The following ANO4 variants were observed in gnomAD, a reference collection of about 807,000 sequenced individuals.
The protein encoded by ANO4 is anoctamin 4, also known as anoctamin-4.
In ANO4, 69 loss-of-function variants were observed where a neutral mutation model predicts 141.9. The ratio of observed to expected loss-of-function variants is 0.49; its 90% CI spans 0.40 to 0.59. ANO4 has a LOEUF of 0.59. ANO4 is among the 20% of genes least tolerant of loss of function. ANO4 has a pLI of 0.00. For missense variants in ANO4, 894 were observed against 1,162.2 expected, an observed-to-expected ratio of 0.77 and a Z score of 3.36; for synonymous variants, 350 against 394.3, an observed-to-expected ratio of 0.89 and a Z score of 1.33.
intron 1 of ANO4, among the ~76,000 whole-genome samples, chr12:100,833,078 C>T (rs2036713584): frequency 6.6e-6 from 1 of 152,046 alleles, no homozygotes; most frequent in Admixed American, 6.6e-5. Context: ...TATTTGTGAA[C>T]ACTAGAACTT....
intron 8 of ANO4, among the ~76,000 whole-genome samples, chr12:100,989,828 G>A (rs2044993340): frequency 7.3e-6 from 1 of 137,302 alleles, no homozygotes; most frequent in Non-Finnish European, 1.5e-5. Context: ...ATATGGATAG[G>A]TCACTGAATG....
chr12:100,769,338 A>G (rs1228405959), intron 3 of ANO4, among the ~76,000 whole-genome samples: 1 of 152,200 alleles, frequency 6.6e-6, no homozygotes, highest in African/African-American at 2.4e-5. Context: ...AGAAAGGTAA[A>G]TAGGATATCA....
chr12:100,907,177 C>T (rs192186893), intron 2 of ANO4, among the ~76,000 whole-genome samples: 11 of 152,324 alleles, frequency 7.2e-5, no homozygotes, highest in Admixed American at 5.9e-4. Flanking sequence ...AATTTAGCCT[C>T]TCCCTACTTT....
intron 1 of ANO4, among the ~76,000 whole-genome samples, chr12:100,809,651 A>C (rs1409890184): frequency 6.6e-6 from 1 of 152,222 alleles, no homozygotes; most frequent in Admixed American, 6.5e-5. Flanking sequence ...TTAGGAGATT[A>C]GGCTTAGCCA....
At chr12:100,832,957 G>A (rs2036706019) in intron 1 of ANO4, among the ~76,000 whole-genome samples, 1 of 152,100 alleles carries the variant, frequency 6.6e-6, no homozygotes. Flanking sequence ...TTCAACTCTT[G>A]TGTGAGGAAT....
intron 1 of ANO4, among the ~76,000 whole-genome samples, chr12:100,828,870 T>A (rs868637732): frequency 2.0e-5 from 3 of 151,744 alleles, no homozygotes; most frequent in Non-Finnish European, 4.4e-5. Flanking sequence ...ATACAAAAAA[T>A]TTAGCTGGGC....
At chr12:100,727,443 T>A (rs1007957771) in intron 1 of ANO4, among the ~76,000 whole-genome samples, 1 of 152,214 alleles carries the variant, frequency 6.6e-6, no homozygotes, top group Non-Finnish European at 1.5e-5. Flanking sequence ...TCCTTAATAA[T>A]GCTTTTTGTC....
chr12:100,931,283 T>G (rs1426813283), intron 3 of ANO4, among the ~76,000 whole-genome samples: 2 of 152,170 alleles, frequency 1.3e-5, no homozygotes, highest in African/African-American at 4.8e-5. Flanking sequence ...TGGATCTATT[T>G]GTTAAATTTT....
chr12:100,874,461 G>T (rs73163163), intron 1 of ANO4, among the ~76,000 whole-genome samples: 16,589 of 152,242 alleles, frequency 0.11, 1,074 homozygotes, highest in Non-Finnish European at 0.15. Context: ...GCATCAGGTG[G>T]CCAGGATATG....
chr12:100,965,359 C>T (rs1355160186), intron 5 of ANO4, among the ~76,000 whole-genome samples: 2 of 152,102 alleles, frequency 1.3e-5, no homozygotes, highest in African/African-American at 4.8e-5. Flanking sequence ...CTGGTTCTAA[C>T]CACCATCTTG....
chr12:101,040,152 C>A, intron 11 of ANO4, 76 bp downstream of exon 11: 1 of 1,488,980 alleles, frequency 6.7e-7, no homozygotes, highest in Non-Finnish European at 9.0e-7. Flanking sequence ...GACAAGCTCC[C>A]AATGAAGCAA....
chr12:101,067,152 T>A (rs2048628951), intron 14 of ANO4: 1 of 311,666 alleles, frequency 3.2e-6, no homozygotes, highest in Non-Finnish European at 6.1e-6. Flanking sequence ...AATTTTGATT[T>A]CATCTACCTA....
intron 6 of ANO4, among the ~76,000 whole-genome samples, chr12:100,973,675 T>G (rs2044027538): frequency 6.6e-6 from 1 of 152,226 alleles, no homozygotes; most frequent in Admixed American, 6.5e-5. Flanking sequence ...CGTGATATAT[T>G]TGTTAAAGTT....
chr12:101,085,971 T>C (rs555212371), intron 16 of ANO4, among the ~76,000 whole-genome samples: 1 of 152,234 alleles, frequency 6.6e-6, no homozygotes, highest in South Asian at 2.1e-4. Flanking sequence ...ATGGTATGGC[T>C]ACCACATGAC....
At chr12:100,857,212 C>A (rs2038220715) in intron 1 of ANO4, among the ~76,000 whole-genome samples, 2 of 152,064 alleles carry the variant, frequency 1.3e-5, no homozygotes, top group South Asian at 4.1e-4. Flanking sequence ...CTCTTCGTTG[C>A]TAAGAAGCTT....
chr12:101,019,366 G>A (rs377117195), intron 8 of ANO4, among the ~76,000 whole-genome samples: 15 of 151,252 alleles, frequency 9.9e-5, no homozygotes, highest in African/African-American at 3.1e-4. Context: ...CTGGAAAGCC[G>A]TGTGTGTGTG....
chr12:100,758,008 A>G (rs1790985375), intron 3 of ANO4, among the ~76,000 whole-genome samples: 1 of 152,214 alleles, frequency 6.6e-6, no homozygotes, highest in African/African-American at 2.4e-5. Context: ...CTTCCTTTAA[A>G]AAGAAAAGGC....
intron 5 of ANO4, among the ~76,000 whole-genome samples, chr12:100,948,059 T>A (rs895233313): frequency 2.1e-5 from 3 of 142,016 alleles, no homozygotes; most frequent in Non-Finnish European, 4.5e-5. Flanking sequence ...CCGGCTGTGG[T>A]GGCGGACGCC....
rs1399461730 is a variant in ANO4, at chr12:100,806,547, T to C, written c.-141+11520T>C. Among the ~76,000 whole-genome samples, 80 of 59,792 alleles carry C rather than the reference T, an allele frequency of 1.3e-3. 3 individuals are homozygous for C. Among genetic ancestry groups the C allele is most frequent in the African/African-American group, 6.7e-3 (79 of 11,766 alleles). The allele number at this position is 59,792 out of a possible 152,430, so 39.2% of individuals were successfully genotyped here. Reference sequence around the variant, plus strand: ...TCGTTTTTTTTTTTTTTTTTTTTTTTTTTTTTTTTTTTTGTGAGACAGAGT... The same window carrying C: ...TCGTTTTTTTTTTTTTTTTTTTTTTCTTTTTTTTTTTTTGTGAGACAGAGT... On this transcript the variant is annotated intron_variant, in intron 1 of 27. Transcript: ENST00000392977.
Sources: allele counts gnomAD v4.1 joint callset (sites outside exome capture counted in the v4.1 genomes callset), GRCh38; gene constraint gnomAD v4.1.1; transcripts MANE v1.5; gene names NCBI Gene and HGNC (gene_info 2026-07-23, HGNC 2026-07-21).